Variants in MROH7 observed in about 807,000 individuals in gnomAD.
MROH7 encodes maestro heat like repeat family member 7, also known as maestro heat-like repeat-containing protein family member 7.
In MROH7, 113 loss-of-function variants were observed where a neutral mutation model predicts 129.2. The observed-to-expected ratio is 0.87, with a 90% CI of 0.75 to 1.02. The LOEUF is 1.02. Ranked by LOEUF, MROH7 falls within the 50% of genes least tolerant of loss-of-function variation. MROH7 has a pLI of 0.00. For synonymous variants in MROH7, 655 were observed against 667.9 expected (o/e 0.98, Z 0.30); for missense variants, 1,601 against 1,671.3 (o/e 0.96, Z 0.73).
chr1:54,650,864 C>T (rs12077757), intron 1 of MROH7, among the ~76,000 whole-genome samples: 4,019 of 152,148 alleles, frequency 0.026, 183 homozygotes, highest in African/African-American at 0.092. Flanking sequence ...GTTGAGACGG[C>T]AGGCACATGC....
chr1:54,693,585 C>G (rs1569969530), intron 16 of MROH7, among the ~76,000 whole-genome samples: 1 of 152,156 alleles, frequency 6.6e-6, no homozygotes, highest in South Asian at 2.1e-4. Flanking sequence ...CGAAGTCACA[C>G]AGGCAGGACA....
chr1:54,681,049 A>C (rs1021504257), intron 13 of MROH7, among the ~76,000 whole-genome samples: 2 of 152,088 alleles, frequency 1.3e-5, no homozygotes, highest in African/African-American at 4.8e-5. Context: ...CAGTGTCAGG[A>C]GCTCCTCCTT....
chr1:54,665,333 C>CA, intron 4 of MROH7, 93 bp downstream of exon 4: 1 of 868,230 alleles, frequency 1.2e-6, no homozygotes, highest in Non-Finnish European at 1.9e-6. Flanking sequence ...CCGCATTCCC[C>CA]ATGCCTCTGC....
intron 3 of MROH7, among the ~76,000 whole-genome samples, chr1:54,663,480 C>G (rs1644762230): frequency 6.6e-6 from 1 of 152,080 alleles, no homozygotes; most frequent in Non-Finnish European, 1.5e-5. Context: ...TCAAGCGATT[C>G]TCCTGCCTCA....
chr1:54,682,028 G>A (rs1005793099), intron 13 of MROH7, among the ~76,000 whole-genome samples: 1 of 152,160 alleles, frequency 6.6e-6, no homozygotes, highest in Non-Finnish European at 1.5e-5. Flanking sequence ...GTTCATGTCT[G>A]TATTCCCCAA....
chr1:54,673,300 T>C, intron 8 of MROH7, 114 bp downstream of exon 8: 3 of 757,564 alleles, frequency 4.0e-6, no homozygotes, highest in Non-Finnish European at 6.7e-6. Flanking sequence ...CAGGATGTCA[T>C]CTTGTGTGAG....
At position 54,710,152 on chromosome 1, in the gene MROH7, G is replaced by T; in HGVS notation, c.3937G>T (p.Ala1313Ser). The change falls in exon 24 of 24, where the codon GCA becomes TCA. Residue 1313 changes from alanine (A) to serine (S), a missense_variant. Ala to Ser is a moderately conservative substitution (Grantham distance 99). Transcript: ENST00000421030. ...SHQRRSWIMQ[A>S]LGSWKMSLKK ...CCAGCGGCGCTCCTGGATCATGCAG[G>T]CACTGGGCTCCTGGAAGATGTCCTT... The T allele has an allele frequency of 6.2e-7, 1 of 1,613,460 alleles. No homozygotes were observed.
intron 3 of MROH7, among the ~76,000 whole-genome samples, chr1:54,662,559 A>G (rs1465345718): frequency 6.6e-6 from 1 of 151,176 alleles, no homozygotes; most frequent in African/African-American, 2.5e-5. Context: ...AAAAGTTGAA[A>G]ACGTACTATA....
intron 14 of MROH7, among the ~76,000 whole-genome samples, chr1:54,683,741 T>G (rs1645106703): frequency 6.6e-6 from 1 of 152,144 alleles, no homozygotes; most frequent in African/African-American, 2.4e-5. Flanking sequence ...CCACGCTATC[T>G]TGTCACAGGG....
At chr1:54,709,662 T>G (rs111380282) in intron 23 of MROH7, among the ~76,000 whole-genome samples, 11 of 152,226 alleles carry the variant, frequency 7.2e-5, no homozygotes, top group African/African-American at 2.6e-4. Context: ...AGCCATTTGG[T>G]GCAGGGTGAC....
intron 10 of MROH7, among the ~76,000 whole-genome samples, chr1:54,676,801 C>T (rs575677352): frequency 5.3e-5 from 8 of 151,982 alleles, no homozygotes; most frequent in East Asian, 3.9e-4. Flanking sequence ...CTCCACCTCC[C>T]GGGTTCAAGA....
At chr1:54,666,951 G>A (rs1434392995) in intron 4 of MROH7, among the ~76,000 whole-genome samples, 8 of 152,120 alleles carry the variant, frequency 5.3e-5, no homozygotes, top group Admixed American at 1.3e-4. Context: ...TTGTACTTTG[G>A]GAGAGATCAG....
chr1:54,657,768 A>G lies in MROH7; in HGVS notation c.1231+3611A>G, dbSNP rs752015968. Among the ~76,000 whole-genome samples the G allele has an allele frequency of 2.0e-5, 3 of 152,028 alleles. No homozygotes were observed. In the East Asian group the frequency reaches 5.8e-4, roughly 29 times the overall value. On this transcript the variant is annotated intron_variant, in intron 3 of 23. Transcript: ENST00000421030. The stretch of plus-strand genomic sequence containing the variant: ...AACCTCTGCCTCCCAGGTTCAAACA[A>G]TTCTCCTGCCTTAGCCTCAGTAGCT...
chr1:54,700,608 G>A, intron 18 of MROH7, 147 bp downstream of exon 18: 1 of 727,158 alleles, frequency 1.4e-6, no homozygotes, highest in Non-Finnish European at 2.2e-6. Context: ...CTGTAAAATA[G>A]ATATCCTTTA....
rs1645257128 is a variant in MROH7, at chr1:54,692,580, T to C, written c.2849+19T>C. On this transcript the variant is annotated intron_variant, in intron 16 of 23. Coordinates refer to ENST00000421030, the MANE Select transcript of MROH7 (RefSeq NM_001039464.4). ...TGGCAAGGTGAGTCCCGGGACCACC[T>C]TGGGGTTGGGGTGGGAGGGAGAAAG... 3 of 1,608,188 alleles carry C rather than the reference T, an allele frequency of 1.9e-6. No homozygotes were observed. The highest frequency in any genetic ancestry group is 1.7e-6 in the Non-Finnish European group (2 of 1,178,720).
chr1:54,677,464 G>A (rs1173260626), intron 10 of MROH7, among the ~76,000 whole-genome samples: 1 of 152,164 alleles, frequency 6.6e-6, no homozygotes, highest in African/African-American at 2.4e-5. Flanking sequence ...CGAAGTGTGG[G>A]GACTACAGGC....
At chr1:54,683,901 G>A (rs1053294629) in intron 14 of MROH7, among the ~76,000 whole-genome samples, 8 of 152,098 alleles carry the variant, frequency 5.3e-5, no homozygotes, top group South Asian at 2.1e-4. Context: ...TATATTTTGC[G>A]TCACATACTT....
intron 5 of MROH7, 66 bp from the exon 6 acceptor site, chr1:54,670,431 C>G (rs1170586572): frequency 7.1e-6 from 10 of 1,415,536 alleles, no homozygotes; most frequent in Non-Finnish European, 9.8e-6. Context: ...GTGACGGGGG[C>G]AGCCTTGGCC....
At chr1:54,655,297 G>T (rs1438988584) in intron 3 of MROH7, among the ~76,000 whole-genome samples, 1 of 151,892 alleles carries the variant, frequency 6.6e-6, no homozygotes, top group Non-Finnish European at 1.5e-5. Flanking sequence ...TTACAGGCTT[G>T]AGCCACCACA....
Sources: gnomAD v4.1 joint callset for allele counts (sites outside exome capture counted in the v4.1 genomes callset) on GRCh38, gnomAD v4.1.1 for gene constraint, MANE v1.5 for transcripts, NCBI Gene and HGNC (gene_info 2026-07-23, HGNC 2026-07-21) for gene names.